The following OXR1 variants were observed in gnomAD, a reference collection of about 807,000 sequenced individuals.
The protein encoded by OXR1 is oxidation resistance 1.
A neutral mutation model predicts 104.6 loss-of-function variants in OXR1; 41 were observed. That is an observed-to-expected ratio of 0.39 (90% CI 0.31 to 0.51). The LOEUF (loss-of-function observed/expected upper bound fraction) is 0.51, where lower values mean the gene tolerates loss of function less well. OXR1 is among the 20% of genes least tolerant of loss of function. The pLI is 0.77. For synonymous variants in OXR1, 348 were observed against 348.4 expected, an observed-to-expected ratio of 1.00 and a Z score of 0.01; for missense variants, 955 against 1,031.9, an observed-to-expected ratio of 0.93 and a Z score of 1.02.
intron 11 of OXR1, chr8:106,726,318 T>G (rs1308211635): frequency 1.5e-5 from 21 of 1,413,164 alleles, no homozygotes; most frequent in Middle Eastern, 1.7e-4. Flanking sequence ...TGGTAAATCT[T>G]AGTCAATTAT....
intron 1 of OXR1, among the ~76,000 whole-genome samples, chr8:106,276,268 A>G (rs1296171313): frequency 1.3e-5 from 2 of 152,224 alleles, no homozygotes; most frequent in African/African-American, 4.8e-5. Context: ...ACTGACCAAA[A>G]CACTGAACTC....
At chr8:106,677,743 GTGTA>G (rs1827746343) in intron 3 of OXR1, among the ~76,000 whole-genome samples, 1 of 152,008 alleles carries the variant, frequency 6.6e-6, no homozygotes, top group African/African-American at 2.4e-5. Flanking sequence ...AGTAGAATAT[GTGTA>G]TGTATGCGCA....
chr8:106,404,531 C>G (rs1350388123), intron 2 of OXR1, among the ~76,000 whole-genome samples: 2 of 151,932 alleles, frequency 1.3e-5, no homozygotes, highest in African/African-American at 4.8e-5. Context: ...TCAGAACACA[C>G]ATAGAAGACG....
chr8:106,427,266 A>C (rs1387024800), intron 2 of OXR1, among the ~76,000 whole-genome samples: 2 of 152,022 alleles, frequency 1.3e-5, no homozygotes, highest in East Asian at 3.9e-4. Flanking sequence ...TCCCAGGTTC[A>C]TGTCATTCTC....
chr8:106,432,863 A>G (rs1819416726), intron 2 of OXR1, among the ~76,000 whole-genome samples: 1 of 152,174 alleles, frequency 6.6e-6, no homozygotes, highest in African/African-American at 2.4e-5. Flanking sequence ...ATGAAAAAAT[A>G]TGGGAATCTA....
intron 3 of OXR1, chr8:106,658,270 G>C: frequency 1.6e-6 from 2 of 1,219,224 alleles, no homozygotes; most frequent in Non-Finnish European, 2.0e-6. Context: ...CCGGGCGGGG[G>C]TCGCTGCCCG....
chr8:106,730,024 C>T (rs1212937622), intron 11 of OXR1, among the ~76,000 whole-genome samples: 1 of 151,738 alleles, frequency 6.6e-6, no homozygotes, highest in Admixed American at 6.6e-5. Flanking sequence ...ATATTGGTAA[C>T]CACCTCTCTG....
intron 3 of OXR1, among the ~76,000 whole-genome samples, chr8:106,551,813 T>C (rs61705947): frequency 0.1 from 9,770 of 95,782 alleles, 784 homozygotes; most frequent in African/African-American, 0.27. Flanking sequence ...TATATATATA[T>C]ACACACACAC....
At chr8:106,547,492 CTTTTT>C (rs60073341) in intron 3 of OXR1, among the ~76,000 whole-genome samples, 1 of 116,614 alleles carries the variant, frequency 8.6e-6, no homozygotes, top group Non-Finnish European at 1.7e-5. Flanking sequence ...TTCTTTCTTT[CTTTTT>C]TTTTTTTTTT....
intron 1 of OXR1, among the ~76,000 whole-genome samples, chr8:106,303,840 T>C (rs192891358): frequency 1.3e-5 from 2 of 152,362 alleles, no homozygotes; most frequent in African/African-American, 4.8e-5. Flanking sequence ...ACCAGTGATT[T>C]AATAAGTATC....
At chr8:106,414,013 C>A (rs1347100429) in intron 2 of OXR1, among the ~76,000 whole-genome samples, 1 of 152,088 alleles carries the variant, frequency 6.6e-6, no homozygotes, top group Non-Finnish European at 1.5e-5. Context: ...CAGACGTGAG[C>A]CACTGCACGC....
intron 2 of OXR1, among the ~76,000 whole-genome samples, chr8:106,429,268 G>A (rs562585637): frequency 6.6e-6 from 1 of 152,214 alleles, no homozygotes; most frequent in East Asian, 1.9e-4. Flanking sequence ...ATGAGGGAGT[G>A]GAGGATGCCG....
intron 11 of OXR1, among the ~76,000 whole-genome samples, chr8:106,724,339 A>C (rs1295467650): frequency 1.3e-5 from 2 of 152,312 alleles, no homozygotes; most frequent in East Asian, 1.9e-4. Context: ...AAATTCTTGG[A>C]TATCTAGGCA....
chr8:106,326,908 A>G (rs62527968), intron 1 of OXR1, among the ~76,000 whole-genome samples: 3 of 152,204 alleles, frequency 2.0e-5, no homozygotes, highest in Non-Finnish European at 4.4e-5. Context: ...CTTTGTATTT[A>G]GAAAATAGTG....
chr8:106,590,192 T>C (rs1477269290), intron 3 of OXR1, among the ~76,000 whole-genome samples: 2 of 152,252 alleles, frequency 1.3e-5, no homozygotes, highest in Non-Finnish European at 2.9e-5. Flanking sequence ...ATTCATATCT[T>C]CAAGTCCTTT....
chr8:106,370,242 T>A (rs1816647600), intron 2 of OXR1, among the ~76,000 whole-genome samples: 1 of 152,216 alleles, frequency 6.6e-6, no homozygotes, highest in African/African-American at 2.4e-5. Flanking sequence ...TTTTGCAGAT[T>A]GGTTTTGTAT....
At chr8:106,329,032 C>T (rs572133350) in intron 1 of OXR1, among the ~76,000 whole-genome samples, 1 of 147,276 alleles carries the variant, frequency 6.8e-6, no homozygotes, top group South Asian at 2.1e-4. Context: ...GTCTCTGTTG[C>T]CCAGGCTGGA....
chr8:106,513,570 C>T (rs537741321), intron 2 of OXR1, among the ~76,000 whole-genome samples: 1 of 152,286 alleles, frequency 6.6e-6, no homozygotes, highest in Non-Finnish European at 1.5e-5. Context: ...TCCCTCAAAA[C>T]CCACACTCCA....
chr8:106,520,208 T>C (rs990251140), intron 3 of OXR1, among the ~76,000 whole-genome samples: 1 of 151,826 alleles, frequency 6.6e-6, no homozygotes, highest in Non-Finnish European at 1.5e-5. Context: ...TTGAAATCTT[T>C]TTCTTTGATT....
Sources: allele counts gnomAD v4.1 joint callset (sites outside exome capture counted in the v4.1 genomes callset), GRCh38; gene constraint gnomAD v4.1.1; transcripts MANE v1.5; gene names NCBI Gene and HGNC (gene_info 2026-07-23, HGNC 2026-07-21).